DIS3L2: variants seen among roughly 807,000 people sequenced by gnomAD.
The protein encoded by DIS3L2 is DIS3-like exonuclease 2.
In DIS3L2, 34 loss-of-function variants were observed where a neutral mutation model predicts 97.5. The observed-to-expected ratio is 0.35, with a 90% CI of 0.27 to 0.46. DIS3L2 has a LOEUF of 0.46. Ranked by LOEUF, DIS3L2 falls within the 20% of genes least tolerant of loss-of-function variation. DIS3L2 has a pLI of 1.00. For synonymous variants in DIS3L2, 435 were observed against 445.2 expected, an observed-to-expected ratio of 0.98 and a Z score of 0.29; for missense variants, 1,038 against 1,146.0, an observed-to-expected ratio of 0.91 and a Z score of 1.36.
At position 232,270,876 on chromosome 2, in the gene DIS3L2, C is replaced by CTCTCTCTT. The variant is rs1553542468; in HGVS notation, c.1659+7443_1659+7444insTTCTCTCT. 7.6e-4 allele frequency among the ~76,000 whole-genome samples: 95 copies of CTCTCTCTT among 125,496 alleles called. 1 individual carries two copies. The East Asian group carries it at 0.014, about 19-fold the overall frequency. 82.3% of individuals were successfully genotyped at this position (125,496 alleles called of 152,430 possible). On this transcript the variant is annotated intron_variant, in intron 13 of 20. Transcript: ENST00000325385. Reference sequence around the variant, plus strand: ...CTTTTTCTCGTCTCTCTCTCTCTCTCTCTCTCTCTCTCTCTCTCTCTCTCT... The same window carrying CTCTCTCTT: ...CTTTTTCTCGTCTCTCTCTCTCTCTCTCTCTCTTTCTCTCTCTCTCTCTCTCTCTCTCT...
intron 10 of DIS3L2, among the ~76,000 whole-genome samples, chr2:232,237,136 C>T (rs959128550): frequency 1.3e-5 from 2 of 152,090 alleles, no homozygotes; most frequent in Admixed American, 6.5e-5. Flanking sequence ...TATGTATGTA[C>T]GTATGTATAT....
intron 10 of DIS3L2, among the ~76,000 whole-genome samples, chr2:232,222,979 C>G (rs1329976858): frequency 6.6e-6 from 1 of 152,198 alleles, no homozygotes; most frequent in East Asian, 1.9e-4. Flanking sequence ...AAGTCTTATT[C>G]CTATGTTCCA....
intron 5 of DIS3L2, among the ~76,000 whole-genome samples, chr2:232,052,444 T>G (rs1318163105): frequency 6.6e-6 from 1 of 152,200 alleles, no homozygotes; most frequent in African/African-American, 2.4e-5. Context: ...ATTTCTCAGT[T>G]AGTACCAGCT....
intron 13 of DIS3L2, among the ~76,000 whole-genome samples, chr2:232,289,564 C>T (rs749148641): frequency 2.6e-5 from 4 of 152,224 alleles, no homozygotes; most frequent in Admixed American, 6.5e-5. Context: ...TGAGCCACCG[C>T]GCCCAGCCAG....
At chr2:232,173,003 A>C (rs748381105) in intron 9 of DIS3L2, among the ~76,000 whole-genome samples, 4 of 152,152 alleles carry the variant, frequency 2.6e-5, no homozygotes, top group Non-Finnish European at 5.9e-5. Context: ...TTGAGCTATA[A>C]GTGTAGTTTC....
chr2:232,300,845 G>A (rs1444488010), intron 14 of DIS3L2, among the ~76,000 whole-genome samples: 1 of 151,906 alleles, frequency 6.6e-6, no homozygotes, highest in East Asian at 1.9e-4. Flanking sequence ...GTACAGACAG[G>A]GTCTCCCTAT....
At chr2:232,122,839 A>G (rs1350530593) in intron 6 of DIS3L2, among the ~76,000 whole-genome samples, 3 of 152,250 alleles carry the variant, frequency 2.0e-5, no homozygotes. Context: ...AACATAACTC[A>G]TATAAACTAT....
In DIS3L2 at chr2:232,005,478, G is replaced by A. The variant is rs1694028188; in HGVS notation, c.-93-9357G>A. Among the ~76,000 whole-genome samples the A allele has an allele frequency of 2.6e-5, 4 of 152,258 alleles. No individual in the cohort carries two copies. The South Asian group carries it at 8.3e-4, about 32-fold the overall frequency. On this transcript the variant is annotated intron_variant, in intron 1 of 20. Coordinates refer to ENST00000325385, the MANE Select transcript of DIS3L2 (RefSeq NM_152383.5). ...TTCTTCTAGCCAGGCGCAGCCTATG[G>A]AATTTGTATTGAAGATTTAGCTGCC... is the stretch of plus-strand genomic sequence containing the variant.
At chr2:232,329,722 GAT>G in intron 14 of DIS3L2, 89 bp from the exon 15 acceptor site, 1 of 1,299,304 alleles carries the variant, frequency 7.7e-7, no homozygotes, top group African/African-American at 1.5e-5. Context: ...AAGGGTGATT[GAT>G]AGAGAGCCAG....
At chr2:232,274,456 G>A (rs991549539) in intron 13 of DIS3L2, among the ~76,000 whole-genome samples, 4 of 152,174 alleles carry the variant, frequency 2.6e-5, no homozygotes, top group Admixed American at 6.5e-5. Flanking sequence ...TAGGGAAGGG[G>A]AACCCTTGCA....
chr2:232,330,277 C>A (rs2106348580), intron 15 of DIS3L2, among the ~76,000 whole-genome samples: 1 of 152,326 alleles, frequency 6.6e-6, no homozygotes, highest in East Asian at 1.9e-4. Flanking sequence ...GGTCTTGGGC[C>A]CAGAGGCTTT....
chr2:232,015,081 T>A, intron 2 of DIS3L2, 102 bp downstream of exon 2: 4 of 1,124,306 alleles, frequency 3.6e-6, no homozygotes, highest in Non-Finnish European at 5.2e-6. Context: ...AGGGCTACTA[T>A]AATTCTTTTA....
At chr2:232,129,763 A>T (rs1698166546) in intron 6 of DIS3L2, among the ~76,000 whole-genome samples, 1 of 152,242 alleles carries the variant, frequency 6.6e-6, no homozygotes, top group Non-Finnish European at 1.5e-5. Flanking sequence ...AATGATGATA[A>T]GTGCAAGTTT....
At chr2:232,008,207 T>A (rs867269618) in intron 1 of DIS3L2, among the ~76,000 whole-genome samples, 17 of 150,430 alleles carry the variant, frequency 1.1e-4, no homozygotes, top group African/African-American at 2.9e-4. Flanking sequence ...TTTTTTTTTT[T>A]AATAGGGTTG....
intron 1 of DIS3L2, among the ~76,000 whole-genome samples, chr2:231,999,604 T>G (rs1693825959): frequency 6.6e-6 from 1 of 152,216 alleles, no homozygotes; most frequent in Non-Finnish European, 1.5e-5. Flanking sequence ...TTGTTCCATC[T>G]AGGATATATA....
chr2:232,214,823 C>T (rs563873069), intron 10 of DIS3L2, among the ~76,000 whole-genome samples: 1 of 152,184 alleles, frequency 6.6e-6, no homozygotes, highest in Non-Finnish European at 1.5e-5. Flanking sequence ...ATTCGCTTTT[C>T]GTTGATTCAG....
chr2:232,088,454 C>T (rs1458936779), intron 6 of DIS3L2, among the ~76,000 whole-genome samples: 2 of 148,366 alleles, frequency 1.3e-5, no homozygotes, highest in Admixed American at 6.7e-5. Context: ...CCCAGCTACT[C>T]GGGAGGCTGA....
chr2:232,233,523 G>A (rs1692852456), intron 10 of DIS3L2, among the ~76,000 whole-genome samples: 1 of 152,174 alleles, frequency 6.6e-6, no homozygotes, highest in Admixed American at 6.5e-5. Context: ...GAGACTGGGG[G>A]GAGCAAATAT....
At chr2:232,343,408 G>A (rs1696157665) in exon 14 of DIS3L2, 1 of 1,556,776 alleles carries the variant, frequency 6.4e-7, no homozygotes, top group Non-Finnish European at 8.7e-7. Flanking sequence ...TGCTGAAGAT[G>A]CAGAAGCACA....
Sources: gnomAD v4.1 joint callset for allele counts (sites outside exome capture counted in the v4.1 genomes callset) on GRCh38, gnomAD v4.1.1 for gene constraint, MANE v1.5 for transcripts, NCBI Gene and HGNC (gene_info 2026-07-23, HGNC 2026-07-21) for gene names.